The following XKR4 variants were observed in gnomAD, a reference collection of about 807,000 sequenced individuals.
The protein encoded by XKR4 is XK related 4, also known as XK-related protein 4.
In XKR4, 12 loss-of-function variants were observed where a neutral mutation model predicts 53.9. The ratio of observed to expected loss-of-function variants is 0.22; its 90% CI spans 0.14 to 0.36. XKR4 has a LOEUF of 0.36. XKR4 is among the 10% of genes least tolerant of loss of function. The pLI, the probability that XKR4 is intolerant of heterozygous loss-of-function variation, is 1.00. For synonymous variants in XKR4, 354 were observed against 362.4 expected, an observed-to-expected ratio of 0.98 and a Z score of 0.26; for missense variants, 799 against 859.5, an observed-to-expected ratio of 0.93 and a Z score of 0.88.
chr8:55,230,784 C>T (rs556129293), intron 1 of XKR4, among the ~76,000 whole-genome samples: 3 of 152,170 alleles, frequency 2.0e-5, no homozygotes, highest in African/African-American at 7.2e-5. Context: ...AAGCTCAAAC[C>T]ACTGGTCACC....
intron 2 of XKR4, among the ~76,000 whole-genome samples, chr8:55,363,844 G>A (rs1803936084): frequency 1.3e-5 from 2 of 152,164 alleles, no homozygotes; most frequent in African/African-American, 2.4e-5. Flanking sequence ...TGCTATTATC[G>A]TAGTTAATTA....
intron 1 of XKR4, among the ~76,000 whole-genome samples, chr8:55,341,082 T>C (rs887889105): frequency 3.3e-5 from 5 of 152,018 alleles, no homozygotes; most frequent in African/African-American, 1.2e-4. Flanking sequence ...TCATTGGGGG[T>C]GCTGCGGGGA....
intron 2 of XKR4, among the ~76,000 whole-genome samples, chr8:55,416,042 C>A (rs1804841455): frequency 6.6e-6 from 1 of 151,458 alleles, no homozygotes. Context: ...TAGCACTAAG[C>A]AATATGAGGT....
chr8:55,444,779 T>C (rs1257955400), intron 2 of XKR4, among the ~76,000 whole-genome samples: 1 of 152,234 alleles, frequency 6.6e-6, no homozygotes, highest in Non-Finnish European at 1.5e-5. Flanking sequence ...TAATTTGGCA[T>C]CATCTATTAA....
At chr8:55,341,135 T>C (rs1803539584) in intron 1 of XKR4, among the ~76,000 whole-genome samples, 1 of 152,086 alleles carries the variant, frequency 6.6e-6, no homozygotes, top group African/African-American at 2.4e-5. Context: ...GCAAGAGGTT[T>C]ATTTAAAGGT....
intron 2 of XKR4, among the ~76,000 whole-genome samples, chr8:55,431,831 A>G (rs1805109594): frequency 6.6e-6 from 1 of 152,212 alleles, no homozygotes; most frequent in South Asian, 2.1e-4. Flanking sequence ...CTTATCAGAT[A>G]AGACTCATTT....
intron 1 of XKR4, among the ~76,000 whole-genome samples, chr8:55,295,981 G>A (rs965422104): frequency 6.6e-6 from 1 of 152,202 alleles, no homozygotes; most frequent in African/African-American, 2.4e-5. Flanking sequence ...TGTTGTAGCA[G>A]AGAAATTCAA....
chr8:55,113,650 T>G (rs148099846), intron 1 of XKR4, among the ~76,000 whole-genome samples: 1 of 152,208 alleles, frequency 6.6e-6, no homozygotes, highest in Non-Finnish European at 1.5e-5. Flanking sequence ...TGGTGAAGTC[T>G]GGGCTTTTAG....
chr8:55,442,216 T>G (rs1805279711), intron 2 of XKR4, among the ~76,000 whole-genome samples: 4 of 152,130 alleles, frequency 2.6e-5, no homozygotes, highest in Admixed American at 2.6e-4. Flanking sequence ...ATTTGAAAAC[T>G]TGGTTGAATT....
intron 1 of XKR4, among the ~76,000 whole-genome samples, chr8:55,111,119 A>C (rs1012826457): frequency 6.6e-6 from 1 of 152,184 alleles, no homozygotes; most frequent in Non-Finnish European, 1.5e-5. Flanking sequence ...GTATCAGAAG[A>C]AATGATTTGG....
intron 1 of XKR4, among the ~76,000 whole-genome samples, chr8:55,336,373 A>G (rs536395765): frequency 6.6e-6 from 1 of 152,298 alleles, no homozygotes; most frequent in East Asian, 1.9e-4. Context: ...TGGAACTTTA[A>G]GTCCAATTAA....
intron 2 of XKR4, among the ~76,000 whole-genome samples, chr8:55,372,104 A>G (rs1031457603): frequency 6.6e-6 from 1 of 152,190 alleles, no homozygotes; most frequent in Non-Finnish European, 1.5e-5. Context: ...GTCACGTGCT[A>G]TGGCTATGGG....
At chr8:55,421,161 G>A (rs1804923070) in intron 2 of XKR4, among the ~76,000 whole-genome samples, 1 of 152,278 alleles carries the variant, frequency 6.6e-6, no homozygotes, top group Non-Finnish European at 1.5e-5. Flanking sequence ...ACTTCCGCTT[G>A]TAAAGTGTTC....
At chr8:55,229,403 G>A (rs1029872040) in intron 1 of XKR4, among the ~76,000 whole-genome samples, 5 of 152,238 alleles carry the variant, frequency 3.3e-5, no homozygotes, top group African/African-American at 1.2e-4. Flanking sequence ...CCGGAAACCT[G>A]ATTGTCTCCG....
At chr8:55,455,717 T>C (rs1805559958) in intron 2 of XKR4, among the ~76,000 whole-genome samples, 2 of 152,192 alleles carry the variant, frequency 1.3e-5, no homozygotes, top group Admixed American at 1.3e-4. Context: ...AGATAACCAA[T>C]GCATTTGTGC....
chr8:55,207,634 G>A (rs7462249), intron 1 of XKR4, among the ~76,000 whole-genome samples: 11 of 3,788 alleles, frequency 2.9e-3, no homozygotes, highest in African/African-American at 9.1e-3. Context: ...ACACATGCGC[G>A]CGCACACACA....
chr8:55,502,209 G>A (rs1806453446), intron 2 of XKR4, among the ~76,000 whole-genome samples: 1 of 152,040 alleles, frequency 6.6e-6, no homozygotes. Context: ...CAGAACCCAT[G>A]GGCAAAGAGG....
intron 1 of XKR4, among the ~76,000 whole-genome samples, chr8:55,137,026 C>T (rs1301985905): frequency 1.3e-5 from 2 of 152,182 alleles, no homozygotes; most frequent in Non-Finnish European, 2.9e-5. Flanking sequence ...ATGGCCTTAA[C>T]TCCAGAAAAC....
chr8:55,382,982 G>A (rs1223852386), intron 2 of XKR4, among the ~76,000 whole-genome samples: 3 of 152,160 alleles, frequency 2.0e-5, no homozygotes, highest in African/African-American at 7.2e-5. Context: ...GGAGGCTGAG[G>A]CGGGTGGATC....
Sources: allele counts gnomAD v4.1 joint callset (sites outside exome capture counted in the v4.1 genomes callset), GRCh38; gene constraint gnomAD v4.1.1; transcripts MANE v1.5; gene names NCBI Gene and HGNC (gene_info 2026-07-23, HGNC 2026-07-21).